SEL1L2: variants seen among roughly 807,000 people sequenced by gnomAD.
The protein encoded by SEL1L2 is SEL1L2 adaptor subunit of SYVN1 ubiquitin ligase.
In SEL1L2, 89 loss-of-function variants were observed where a neutral mutation model predicts 98.8. The observed-to-expected ratio is 0.90, with a 90% CI of 0.76 to 1.07. SEL1L2 has a LOEUF of 1.07. Ranked by LOEUF, SEL1L2 falls within the 50% of genes least tolerant of loss-of-function variation. The pLI is 0.00. For synonymous variants in SEL1L2, 262 were observed against 278.5 expected (o/e 0.94, Z 0.59); for missense variants, 788 against 812.0 (o/e 0.97, Z 0.36).
At chr20:13,965,221 C>T (rs1218552824) in intron 1 of SEL1L2, among the ~76,000 whole-genome samples, 2 of 152,178 alleles carry the variant, frequency 1.3e-5, no homozygotes, top group South Asian at 2.1e-4. Context: ...ACACAGGTAA[C>T]AGGAGAATCC....
chr20:13,887,809 A>T lies in SEL1L2; in HGVS notation c.705T>A (p.Cys235Ter). ...TCTTGTAATAACTTAGGGCAACTTC[A>T]CAATTCTGTAGAACATTGATTCCCG... ...YLSGINVLQN[C>*]EVALSYYKKV... Residue 235 changes from cysteine to a stop codon, truncating the protein, a stop_gained, in exon 8 of 20, where the codon TGT (cysteine) becomes TGA (stop). Coordinates refer to ENST00000284951, the MANE Select transcript of SEL1L2 (RefSeq NM_025229.2). LOFTEE classifies it high-confidence loss of function. 1.9e-6 allele frequency: 3 copies of T among 1,613,402 alleles called. No individual in the cohort carries two copies. Among genetic ancestry groups the T allele is most frequent in the Non-Finnish European group, 2.5e-6 (3 of 1,179,510 alleles).
At chr20:13,922,568 T>C (rs531709533) in intron 3 of SEL1L2, among the ~76,000 whole-genome samples, 1 of 152,306 alleles carries the variant, frequency 6.6e-6, no homozygotes, top group South Asian at 2.1e-4. Flanking sequence ...AATCAGATTT[T>C]AAAAAAAGGA....
chr20:13,855,466 C>A (rs1473329731), intron 18 of SEL1L2, among the ~76,000 whole-genome samples: 1 of 152,074 alleles, frequency 6.6e-6, no homozygotes, highest in Non-Finnish European at 1.5e-5. Context: ...AAAGGTTATA[C>A]TTTATCAAGA....
At chr20:13,929,150 G>T (rs1315011548) in intron 3 of SEL1L2, among the ~76,000 whole-genome samples, 1 of 152,122 alleles carries the variant, frequency 6.6e-6, no homozygotes, top group Non-Finnish European at 1.5e-5. Context: ...GCTCCAGCCT[G>T]TTCTCCCTGA....
chr20:13,966,963 T>C (rs998017064), intron 1 of SEL1L2, among the ~76,000 whole-genome samples: 8 of 135,846 alleles, frequency 5.9e-5, no homozygotes, highest in African/African-American at 8.0e-5. Context: ...CTCGCTGCAA[T>C]CTCTGCCTCC....
chr20:13,983,023 C>CAAAAAAA (rs57993052), intron 1 of SEL1L2, among the ~76,000 whole-genome samples: 449 of 15,546 alleles, frequency 0.029, 120 homozygotes, highest in Non-Finnish European at 0.047. Context: ...GACTCCATCT[C>CAAAAAAA]AAAAAAAAAA....
intron 1 of SEL1L2, among the ~76,000 whole-genome samples, chr20:13,982,661 C>G (rs1377458266): frequency 6.6e-6 from 1 of 151,078 alleles, no homozygotes; most frequent in Non-Finnish European, 1.5e-5. Flanking sequence ...GAGACAGGAC[C>G]CTGGATGATC....
chr20:13,955,203 T>G (rs2050473027), intron 2 of SEL1L2, among the ~76,000 whole-genome samples: 1 of 151,864 alleles, frequency 6.6e-6, no homozygotes, highest in Non-Finnish European at 1.5e-5. Context: ...TGACAACAAA[T>G]ATAATAAAAT....
intron 2 of SEL1L2, among the ~76,000 whole-genome samples, chr20:13,949,999 C>A (rs755125388): frequency 3.9e-5 from 6 of 152,064 alleles, no homozygotes; most frequent in Non-Finnish European, 5.9e-5. Context: ...CATATTTCAG[C>A]TTTAAAAAGG....
intron 1 of SEL1L2, among the ~76,000 whole-genome samples, chr20:13,958,982 T>C: frequency 6.6e-6 from 1 of 150,720 alleles, no homozygotes; most frequent in East Asian, 1.9e-4. Flanking sequence ...AGGAGCATAG[T>C]GGGCGGCCAT....
chr20:13,906,619 T>C (rs1386173366), intron 5 of SEL1L2, among the ~76,000 whole-genome samples: 1 of 152,198 alleles, frequency 6.6e-6, no homozygotes, highest in African/African-American at 2.4e-5. Context: ...ATAATTTTTT[T>C]TTCTGTATTA....
chr20:13,880,059 T>C (rs904545482), intron 10 of SEL1L2, among the ~76,000 whole-genome samples: 31 of 152,348 alleles, frequency 2.0e-4, no homozygotes, highest in African/African-American at 6.5e-4. Context: ...CTTAGCATAG[T>C]GTGGGCTATA....
chr20:13,949,495 T>C (rs2050165612), intron 2 of SEL1L2, among the ~76,000 whole-genome samples: 1 of 152,074 alleles, frequency 6.6e-6, no homozygotes, highest in South Asian at 2.1e-4. Context: ...AAACCCCATC[T>C]CTACTAAAAA....
At chr20:13,979,383 C>T (rs2258538) in intron 1 of SEL1L2, among the ~76,000 whole-genome samples, 33,297 of 151,904 alleles carry the variant, frequency 0.22, 4,248 homozygotes, top group African/African-American at 0.36. Flanking sequence ...TTGCATATTT[C>T]GGAAAAGCTA....
intron 2 of SEL1L2, among the ~76,000 whole-genome samples, chr20:13,939,043 T>TTTTTTTTTTTTTTC (rs2049611650): frequency 8.5e-6 from 1 of 117,630 alleles, no homozygotes; most frequent in East Asian, 2.6e-4. Context: ...TTGTTTTGTT[T>TTTTTTTTTTTTTTC]TTTTTTTTTT....
chr20:13,915,090 G>C, intron 4 of SEL1L2: 1 of 1,269,376 alleles, frequency 7.9e-7, no homozygotes, highest in Non-Finnish European at 1.0e-6. Context: ...ATCTACCATT[G>C]CTTCTGATTT....
intron 12 of SEL1L2, among the ~76,000 whole-genome samples, chr20:13,874,849 T>G (rs555698271): frequency 6.6e-6 from 1 of 152,292 alleles, no homozygotes; most frequent in East Asian, 1.9e-4. Context: ...ACTGCCAGTG[T>G]TCCAGTATGC....
upstream of SEL1L2, chr20:13,990,624 G>A (rs1169473461): frequency 2.1e-6 from 2 of 969,682 alleles, no homozygotes; most frequent in Non-Finnish European, 3.2e-6. Flanking sequence ...TGTGGTGGGG[G>A]CAGGAGTCAG....
At chr20:13,956,052 G>A (rs1488312885) in intron 2 of SEL1L2, 24 bp downstream of exon 2, 6 of 1,389,380 alleles carry the variant, frequency 4.3e-6, no homozygotes, top group East Asian at 4.7e-5. Context: ...ATTAAAAAAT[G>A]TAAAGATTTA....
Sources: gnomAD v4.1 joint callset for allele counts (sites outside exome capture counted in the v4.1 genomes callset) on GRCh38, gnomAD v4.1.1 for gene constraint, MANE v1.5 for transcripts, NCBI Gene and HGNC (gene_info 2026-07-23, HGNC 2026-07-21) for gene names.